Variants in CSMD1 observed in about 807,000 individuals in gnomAD.
CSMD1 encodes the protein CUB and Sushi multiple domains 1.
In CSMD1, 213 loss-of-function variants were observed where a neutral mutation model predicts 417.5. The observed-to-expected ratio is 0.51, with a 90% CI of 0.46 to 0.57. The LOEUF is 0.57. Ranked by LOEUF, CSMD1 falls within the 20% of genes least tolerant of loss-of-function variation. CSMD1 has a pLI of 0.00. For synonymous variants in CSMD1, 2,862 were observed against 1,736.8 expected, an observed-to-expected ratio of 1.65 and a Z score of -16.11; for missense variants, 6,923 against 4,529.7, an observed-to-expected ratio of 1.53 and a Z score of -15.17.
chr8:3,968,875 G>T (rs528889608), intron 5 of CSMD1, among the ~76,000 whole-genome samples: 3 of 152,108 alleles, frequency 2.0e-5, no homozygotes, highest in Non-Finnish European at 4.4e-5. Context: ...ATCTTTTCTT[G>T]CAAGAAAGAT....
chr8:4,112,879 C>A (rs574315617), intron 3 of CSMD1, among the ~76,000 whole-genome samples: 1 of 152,240 alleles, frequency 6.6e-6, no homozygotes, highest in Non-Finnish European at 1.5e-5. Context: ...AGGCTTGTAC[C>A]AACGTGGCAT....
At chr8:3,405,622 C>A (rs1230531563) in intron 15 of CSMD1, among the ~76,000 whole-genome samples, 1 of 152,052 alleles carries the variant, frequency 6.6e-6, no homozygotes, top group Non-Finnish European at 1.5e-5. Context: ...GAAGGGGACC[C>A]CCAATCCAAT....
intron 5 of CSMD1, among the ~76,000 whole-genome samples, chr8:3,803,453 A>C (rs1011756973): frequency 6.6e-6 from 1 of 152,226 alleles, no homozygotes; most frequent in Non-Finnish European, 1.5e-5. Context: ...AGGAGAAAAT[A>C]TTAAACCCCA....
At chr8:3,266,448 A>T (rs1178652422) in intron 26 of CSMD1, among the ~76,000 whole-genome samples, 1 of 151,612 alleles carries the variant, frequency 6.6e-6, no homozygotes, top group Non-Finnish European at 1.5e-5. Flanking sequence ...TCTATGAAAA[A>T]TACAAAAATT....
chr8:3,194,597 A>G (rs1336122105), intron 33 of CSMD1, among the ~76,000 whole-genome samples: 1 of 151,314 alleles, frequency 6.6e-6, no homozygotes, highest in African/African-American at 2.4e-5. Flanking sequence ...AGCTGAGACT[A>G]CAGGCACATG....
chr8:3,521,209 T>A (rs1402350277), intron 10 of CSMD1, among the ~76,000 whole-genome samples: 1 of 152,176 alleles, frequency 6.6e-6, no homozygotes, highest in Non-Finnish European at 1.5e-5. Context: ...CACCCTTGCT[T>A]AAACACCTTC....
At chr8:3,226,624 C>G (rs1463360390) in intron 27 of CSMD1, among the ~76,000 whole-genome samples, 1 of 147,138 alleles carries the variant, frequency 6.8e-6, no homozygotes, top group Admixed American at 6.8e-5. Context: ...CTTTGGTCTA[C>G]AGAATTCTCC....
At chr8:4,736,289 G>A (rs557707030) in intron 1 of CSMD1, among the ~76,000 whole-genome samples, 1 of 152,276 alleles carries the variant, frequency 6.6e-6, no homozygotes, top group East Asian at 1.9e-4. Flanking sequence ...TGCACACTCT[G>A]TTGTGTATCC....
At chr8:3,726,329 A>G (rs1246612942) in intron 6 of CSMD1, among the ~76,000 whole-genome samples, 1 of 152,198 alleles carries the variant, frequency 6.6e-6, no homozygotes, top group African/African-American at 2.4e-5. Flanking sequence ...TTAGGCCAAT[A>G]ATAATTCCGG....
chr8:3,363,238 G>T (rs943139601), intron 20 of CSMD1, among the ~76,000 whole-genome samples: 3 of 151,974 alleles, frequency 2.0e-5, no homozygotes, highest in Non-Finnish European at 4.4e-5. Flanking sequence ...AAGAATGAGC[G>T]TACTCTCCTC....
intron 1 of CSMD1, among the ~76,000 whole-genome samples, chr8:4,735,232 A>G (rs1810154031): frequency 6.6e-6 from 1 of 152,160 alleles, no homozygotes; most frequent in South Asian, 2.1e-4. Context: ...GCGAGAGGAT[A>G]CTTGAGTCAT....
At chr8:3,449,255 C>T (rs1815529327) in intron 12 of CSMD1, among the ~76,000 whole-genome samples, 1 of 152,124 alleles carries the variant, frequency 6.6e-6, no homozygotes, top group South Asian at 2.1e-4. Flanking sequence ...ATTAAACAGG[C>T]TTATTCTGAA....
At chr8:3,421,120 T>C (rs1053490913) in intron 12 of CSMD1, among the ~76,000 whole-genome samples, 1 of 152,180 alleles carries the variant, frequency 6.6e-6, no homozygotes, top group Non-Finnish European at 1.5e-5. Flanking sequence ...TATGAAAAAA[T>C]GAAAATTACA....
At chr8:3,713,233 C>T (rs73185379) in intron 6 of CSMD1, among the ~76,000 whole-genome samples, 50,034 of 151,860 alleles carry the variant, frequency 0.33, 8,400 homozygotes, top group East Asian at 0.49. Flanking sequence ...CCTTTTTTCT[C>T]CTACATCAGC....
intron 3 of CSMD1, among the ~76,000 whole-genome samples, chr8:4,385,142 G>C (rs1490073711): frequency 7.4e-6 from 1 of 135,630 alleles, no homozygotes; most frequent in Non-Finnish European, 1.6e-5. Context: ...GGCCAGGCTG[G>C]TCTTGAACTC....
At chr8:4,802,536 T>G (rs183649910) in intron 1 of CSMD1, among the ~76,000 whole-genome samples, 635 of 152,280 alleles carry the variant, frequency 4.2e-3, no homozygotes, top group Non-Finnish European at 5.9e-3. Context: ...TCCAAGCAAC[T>G]TGAAACTTTA....
At position 3,714,671 on chromosome 8, in the gene CSMD1, A is replaced by C. The variant is rs570633068; in HGVS notation, c.932-6180T>G. 1.2e-3 allele frequency among the ~76,000 whole-genome samples: 183 copies of C among 151,748 alleles called. 1 individual carries two copies. Among genetic ancestry groups the C allele is most frequent in the African/African-American group, 4.2e-3 (175 of 41,388 alleles). Reference sequence around the variant, plus strand: ...AGAATTGCTTGAACCCCGGAGGCAGAGTTTGCAGTGAGCCGAAACGGTGCC... The same window carrying C: ...AGAATTGCTTGAACCCCGGAGGCAGCGTTTGCAGTGAGCCGAAACGGTGCC... On this transcript the variant is annotated intron_variant, in intron 6 of 69. Transcript: ENST00000635120.
At chr8:4,840,231 A>G (rs767871826) in intron 1 of CSMD1, among the ~76,000 whole-genome samples, 4 of 21,964 alleles carry the variant, frequency 1.8e-4, no homozygotes, top group Non-Finnish European at 5.9e-4. Context: ...CTCTGCCACC[A>G]TCACATCGCC....
chr8:3,651,863 G>A (rs560906324), intron 7 of CSMD1, among the ~76,000 whole-genome samples: 3 of 133,032 alleles, frequency 2.3e-5, no homozygotes, highest in South Asian at 2.6e-4. Context: ...TTACCACCAT[G>A]AGCACACTTA....
Sources: allele counts gnomAD v4.1 joint callset (sites outside exome capture counted in the v4.1 genomes callset), GRCh38; gene constraint gnomAD v4.1.1; transcripts MANE v1.5; gene names NCBI Gene and HGNC (gene_info 2026-07-23, HGNC 2026-07-21).